The following PREPL variants were observed in gnomAD, a reference collection of about 807,000 sequenced individuals.
The protein encoded by PREPL is prolyl endopeptidase-like.
A neutral mutation model predicts 70.6 loss-of-function variants in PREPL; 77 were observed. That is an observed-to-expected ratio of 1.09 (90% CI 0.91 to 1.32). The LOEUF is 1.32. PREPL is among the 40% of genes most tolerant of loss of function. The pLI is 0.00. For missense variants in PREPL, 1,002 were observed against 778.2 expected, an observed-to-expected ratio of 1.29 and a Z score of -3.42; for synonymous variants, 315 against 264.8, an observed-to-expected ratio of 1.19 and a Z score of -1.84.
chr2:44,337,460 G>C (rs73924946), intron 7 of PREPL, among the ~76,000 whole-genome samples: 2,577 of 152,208 alleles, frequency 0.017, 76 homozygotes, highest in African/African-American at 0.058. Flanking sequence ...ATTCTATAAT[G>C]CCCGATACAG....
At chr2:44,342,385 G>C (rs751980346) in intron 5 of PREPL, 32 bp downstream of exon 5, 31 of 1,558,020 alleles carry the variant, frequency 2.0e-5, no homozygotes, top group Non-Finnish European at 2.4e-5. Flanking sequence ...GAAGGTTCTG[G>C]AGAGAAAGAT....
At position 44,321,897 on chromosome 2, in the gene PREPL, T is replaced by C. The variant is rs142051325; in HGVS notation, c.1757A>G (p.Tyr586Cys). 34 of 1,612,878 alleles carry C rather than the reference T, an allele frequency of 2.1e-5. No individual in the cohort carries two copies. Among genetic ancestry groups the C allele is most frequent in the African/African-American group, 1.2e-4 (9 of 74,872 alleles). Residue 586 changes from tyrosine (Y) to cysteine (C), a missense_variant, in exon 13 of 14, where the codon TAT (tyrosine) becomes TGT (cysteine). Transcript: ENST00000409411. ...ATCTAGAATAATATTAGGGGTCTGATAGCCTGGAAGAGTTAACATGTAGAA... is the reference window on the plus strand; with the variant it reads ...ATCTAGAATAATATTAGGGGTCTGACAGCCTGGAAGAGTTAACATGTAGAA... ...AEHAKDTGEGYQTPNIILDIQ... is the reference protein window; with the variant it reads ...AEHAKDTGEGCQTPNIILDIQ...
chr2:44,353,575 G>A (rs1162820616), intron 1 of PREPL, among the ~76,000 whole-genome samples: 10 of 150,846 alleles, frequency 6.6e-5, no homozygotes, highest in East Asian at 3.9e-4. Context: ...GCGACAGAGC[G>A]AGACTCCATC....
Position 44,332,545 on chromosome 2 carries a change from C to G in PREPL, c.1000G>C (p.Ala334Pro), listed in dbSNP as rs778521381. 6.2e-7 allele frequency: 1 copy of G among 1,614,042 alleles called. No homozygotes were observed. The highest frequency in any genetic ancestry group is 1.7e-5 in the Admixed American group (1 of 60,024). ...GTTTCCTCAAACAGTTTGCCTTCTG[C>G]AAACTTGTATGTGTAATATTTTGGG... is the stretch of plus-strand genomic sequence containing the variant. The part of the protein sequence containing the change: ...RPPKYYTYKF[A>P]EGKLFEETGH... Residue 334 changes from alanine to proline, a missense_variant, in exon 8 of 14, where the codon GCA becomes CCA. By Grantham distance (27) the Ala-to-Pro change is conservative. Transcript: ENST00000409411.
chr2:44,358,071 G>A (rs1361947492), intron 1 of PREPL, among the ~76,000 whole-genome samples: 1 of 151,976 alleles, frequency 6.6e-6, no homozygotes, highest in Non-Finnish European at 1.5e-5. Context: ...CTAAGATAGC[G>A]GCAAAAATTG....
chr2:44,359,660 A>T lies in PREPL; in HGVS notation c.-49+1720T>A, dbSNP rs776982693. 12 of 1,613,322 alleles carry T rather than the reference A, an allele frequency of 7.4e-6. No homozygotes were observed. The highest frequency in any genetic ancestry group is 1.0e-5 in the Non-Finnish European group (12 of 1,179,386). On this transcript the variant is annotated intron_variant, in intron 1 of 13. Coordinates refer to ENST00000409411, the MANE Select transcript of PREPL (RefSeq NM_001171613.2). ...ATGCTGTTTCTGCATGCATTTTCCA[A>T]GGTGAGGAATACTATACTTCAAAGC...
At chr2:44,340,597 T>C (rs1033472010) in intron 5 of PREPL, among the ~76,000 whole-genome samples, 1 of 152,158 alleles carries the variant, frequency 6.6e-6, no homozygotes, top group Non-Finnish European at 1.5e-5. Context: ...ACTTTGAATG[T>C]AGCTTAAATT....
At chr2:44,321,771 A>T (rs755372375) in intron 13 of PREPL, 56 bp downstream of exon 13, 2 of 1,613,632 alleles carry the variant, frequency 1.2e-6, no homozygotes, top group Non-Finnish European at 1.7e-6. Flanking sequence ...GAAAATGTGA[A>T]AACAACATGT....
intron 10 of PREPL, among the ~76,000 whole-genome samples, chr2:44,326,453 C>A (rs1258818877): frequency 6.7e-6 from 1 of 148,748 alleles, no homozygotes; most frequent in African/African-American, 2.5e-5. Context: ...CCACTGCAGC[C>A]TCAACCTCTT....
chr2:44,322,236 G>A (rs1032784501), intron 12 of PREPL, among the ~76,000 whole-genome samples: 2 of 152,046 alleles, frequency 1.3e-5, no homozygotes, highest in East Asian at 3.9e-4. Context: ...GGTGACAAAT[G>A]GAGATGAATA....
At chr2:44,325,553 C>G (rs1277888982) in intron 10 of PREPL, among the ~76,000 whole-genome samples, 1 of 152,150 alleles carries the variant, frequency 6.6e-6, no homozygotes, top group African/African-American at 2.4e-5. Flanking sequence ...TCCTAGTCTT[C>G]ACTATAATAA....
chr2:44,355,674 G>A (rs1054531272), intron 1 of PREPL, among the ~76,000 whole-genome samples: 5 of 151,552 alleles, frequency 3.3e-5, no homozygotes, highest in South Asian at 2.1e-4. Flanking sequence ...ATCTGATTGC[G>A]CCTACATTTT....
rs376083735 is a variant in PREPL, at chr2:44,320,488, G to A, written c.*868C>T. Reference sequence around the variant, plus strand: ...GACAAAGGCAGTAAAGTTGATACAAGTGGCATTTTTCTGGACAAGGGAGAG... The same window carrying A: ...GACAAAGGCAGTAAAGTTGATACAAATGGCATTTTTCTGGACAAGGGAGAG... On this transcript the variant is annotated 3_prime_UTR_variant, in exon 14 of 14. Transcript: ENST00000409411. 4.3e-6 allele frequency: 7 copies of A among 1,614,020 alleles called. No individual in the cohort carries two copies. The highest frequency in any genetic ancestry group is 5.9e-6 in the Non-Finnish European group (7 of 1,179,990).
rs750292662 is a variant in PREPL at position 44,339,365 on chromosome 2, T to TAG, written c.486-4_486-3dup. On this transcript the variant is annotated splice_polypyrimidine_tract_variant and splice_region_variant and intron_variant, in intron 5 of 13. Coordinates refer to ENST00000409411, the MANE Select transcript of PREPL (RefSeq NM_001171613.2). ...GTAAGATAAAGGAAAACAAAGTAGC[T>TAG]AGAGAGAGAGAGAGAGACATGAGAT... 428 of 1,524,730 alleles carry TAG rather than the reference T, an allele frequency of 2.8e-4. No individual in the cohort carries two copies. The highest frequency in any genetic ancestry group is 1.0e-3 in the Admixed American group (58 of 57,194). The allele number at this position is 1,524,730 out of a possible 1,614,324, so 94.5% of individuals were successfully genotyped here.
intron 9 of PREPL, among the ~76,000 whole-genome samples, chr2:44,327,925 G>A (rs945965950): frequency 6.6e-5 from 10 of 151,452 alleles, no homozygotes; most frequent in South Asian, 6.3e-4. Context: ...TGAGGCGGGC[G>A]GACTGCTTGA....
chr2:44,342,827 G>C (rs142001817), intron 4 of PREPL, among the ~76,000 whole-genome samples: 1 of 152,294 alleles, frequency 6.6e-6, no homozygotes, highest in African/African-American at 2.4e-5. Context: ...CAATATTTAG[G>C]AAAGACATTG....
chr2:44,341,754 C>T (rs1675251383), intron 5 of PREPL, among the ~76,000 whole-genome samples: 1 of 150,248 alleles, frequency 6.7e-6, no homozygotes, highest in Non-Finnish European at 1.5e-5. Flanking sequence ...AAAAAAAAAA[C>T]CATTGTTAGT....
At chr2:44,342,315 T>C in intron 5 of PREPL, 102 bp downstream of exon 5, 1 of 1,095,046 alleles carries the variant, frequency 9.1e-7, no homozygotes, top group Non-Finnish European at 1.3e-6. Context: ...TTATTATTCC[T>C]GGTTCCAACC....
chr2:44,359,596 TC>T, intron 1 of PREPL: 1 of 1,611,772 alleles, frequency 6.2e-7, no homozygotes, highest in South Asian at 1.1e-5. Context: ...TCAATTTTAT[TC>T]TATTGTAACA....
Sources: allele counts gnomAD v4.1 joint callset (sites outside exome capture counted in the v4.1 genomes callset), GRCh38; gene constraint gnomAD v4.1.1; transcripts MANE v1.5; gene names NCBI Gene and HGNC (gene_info 2026-07-23, HGNC 2026-07-21).